SWAP70: variants seen among roughly 807,000 people sequenced by gnomAD.
SWAP70 encodes switch-associated protein 70.
A neutral mutation model predicts 80.2 loss-of-function variants in SWAP70; 34 were observed. The ratio of observed to expected loss-of-function variants is 0.42; its 90% CI spans 0.32 to 0.56. The LOEUF (loss-of-function observed/expected upper bound fraction) is 0.56, where lower values mean the gene tolerates loss of function less well. Among genes scored for constraint, SWAP70 ranks in the 20% least tolerant of loss-of-function variants. The probability of loss-of-function intolerance (pLI) is 0.09; values close to 1 mark genes in which losing one functional copy is unlikely to be tolerated. For missense variants in SWAP70, 578 were observed against 690.7 expected, an observed-to-expected ratio of 0.84 and a Z score of 1.83; for synonymous variants, 239 against 238.5, an observed-to-expected ratio of 1.00 and a Z score of -0.02.
At chr11:9,671,945 T>G (rs1425011803) in intron 1 of SWAP70, among the ~76,000 whole-genome samples, 1 of 111,558 alleles carries the variant, frequency 9.0e-6, no homozygotes, top group Non-Finnish European at 1.6e-5. Flanking sequence ...ATAATATATT[T>G]TATAATATAT....
chr11:9,713,390 GTCTT>G lies in SWAP70; in HGVS notation c.241-72_241-69del, dbSNP rs1315798724. 10 of 1,422,432 alleles carry G rather than the reference GTCTT, an allele frequency of 7.0e-6. No individual in the cohort carries two copies. In the East Asian group the frequency reaches 2.3e-4, roughly 33 times the overall value. The allele number at this position is 1,422,432 out of a possible 1,614,324, so 88.1% of individuals were successfully genotyped here. A position where few individuals can be genotyped will look rare whatever the true frequency, so the allele number is the denominator to read the frequency against. On this transcript the variant is annotated intron_variant, in intron 2 of 11. Transcript: ENST00000318950. Reference sequence around the variant, plus strand: ...TAAAATGGGAGCCAAAGGAGGCTTTGTCTTTCTATTTTACTTGCCTTAGATACTG... The same window carrying G: ...TAAAATGGGAGCCAAAGGAGGCTTTGTCTATTTTACTTGCCTTAGATACTG...
chr11:9,696,243 C>T (rs1182127357), intron 2 of SWAP70, among the ~76,000 whole-genome samples: 1 of 152,006 alleles, frequency 6.6e-6, no homozygotes, highest in Non-Finnish European at 1.5e-5. Context: ...CGGTTTTTCC[C>T]TTGGGTTGGA....
chr11:9,704,875 G>A (rs1335692552), intron 2 of SWAP70, among the ~76,000 whole-genome samples: 1 of 152,150 alleles, frequency 6.6e-6, no homozygotes, highest in Non-Finnish European at 1.5e-5. Flanking sequence ...ACAGATACAC[G>A]GTGAAAGACA....
chr11:9,691,466 A>T (rs955467794), intron 1 of SWAP70, among the ~76,000 whole-genome samples: 1 of 152,190 alleles, frequency 6.6e-6, no homozygotes, highest in Non-Finnish European at 1.5e-5. Flanking sequence ...TGGTTAAGAA[A>T]ATTATCACTG....
chr11:9,749,310 G>A (rs1241179657), intron 11 of SWAP70, 127 bp downstream of exon 11: 5 of 349,644 alleles, frequency 1.4e-5, no homozygotes, highest in Non-Finnish European at 1.3e-5. Flanking sequence ...GCAGTGGTGC[G>A]ATCTTGGCTC....
intron 1 of SWAP70, among the ~76,000 whole-genome samples, chr11:9,669,829 C>G (rs944557796): frequency 6.6e-6 from 1 of 152,096 alleles, no homozygotes; most frequent in Admixed American, 6.6e-5. Context: ...ATCAGAATTG[C>G]ACTTTAGAAA....
chr11:9,709,595 CA>C (rs200304876), intron 2 of SWAP70, among the ~76,000 whole-genome samples: 1 of 151,552 alleles, frequency 6.6e-6, no homozygotes, highest in African/African-American at 2.4e-5. Flanking sequence ...TGCGATCTCC[CA>C]CCAACTTCAG....
chr11:9,665,816 G>T (rs953606095), intron 1 of SWAP70, among the ~76,000 whole-genome samples: 4 of 151,962 alleles, frequency 2.6e-5, no homozygotes, highest in African/African-American at 9.7e-5. Context: ...GTTATGAGTA[G>T]GTCTACATTT....
Position 9,713,545 on chromosome 11 carries a change from C to A in SWAP70, c.320C>A (p.Pro107His), listed in dbSNP as rs1203122209. Reference sequence around the variant, plus strand: ...GTCAAAAAAAACCTCACAAAGAATCCCCTGCTCATTACAGAAGAAGATGCA... The same window carrying A: ...GTCAAAAAAAACCTCACAAAGAATCACCTGCTCATTACAGAAGAAGATGCA... ...LCVKKNLTKN[P>H]LLITEEDAFK... Residue 107 changes from proline (P) to histidine (H), a missense_variant, in exon 3 of 12, where the codon CCC becomes CAC. Physicochemically the swap from Pro to His is moderately conservative, Grantham distance 77. Coordinates refer to ENST00000318950, the MANE Select transcript of SWAP70 (RefSeq NM_015055.4). The A allele has an allele frequency of 6.2e-7, 1 of 1,613,718 alleles. No individual in the cohort carries two copies. Among genetic ancestry groups the A allele is most frequent in the Non-Finnish European group, 8.5e-7 (1 of 1,179,918 alleles).
intron 6 of SWAP70, among the ~76,000 whole-genome samples, chr11:9,731,031 A>G (rs893525501): frequency 1.3e-5 from 2 of 152,076 alleles, no homozygotes; most frequent in Non-Finnish European, 2.9e-5. Context: ...AACATTCATT[A>G]TTTGGTTTTC....
chr11:9,704,199 C>CAT (rs1264396875), intron 2 of SWAP70, among the ~76,000 whole-genome samples: 2 of 151,730 alleles, frequency 1.3e-5, no homozygotes, highest in African/African-American at 4.8e-5. Context: ...AGAGAGAGAC[C>CAT]ATATATATAT....
intron 1 of SWAP70, among the ~76,000 whole-genome samples, chr11:9,675,850 G>T (rs11603527): frequency 6.6e-6 from 1 of 151,962 alleles, no homozygotes; most frequent in Non-Finnish European, 1.5e-5. Context: ...TTGAGAGTAC[G>T]TAGGCCTTTA....
chr11:9,722,671 G>C (rs1851154941), intron 3 of SWAP70, among the ~76,000 whole-genome samples: 1 of 152,104 alleles, frequency 6.6e-6, no homozygotes, highest in Admixed American at 6.6e-5. Context: ...TCGAGAGGTG[G>C]GAAAAGGTAT....
chr11:9,701,941 A>G (rs1034064235), intron 2 of SWAP70, among the ~76,000 whole-genome samples: 2 of 152,330 alleles, frequency 1.3e-5, no homozygotes, highest in East Asian at 3.9e-4. Context: ...GGTTTGGGCT[A>G]TATGATTAAA....
rs1851026560 is a variant in SWAP70 at position 9,713,534 on chromosome 11, C to T, written c.309C>T (p.Leu103=). The T allele has an allele frequency of 2.5e-6, 4 of 1,614,020 alleles. No individual in the cohort carries two copies. The highest frequency in any genetic ancestry group is 3.4e-6 in the Non-Finnish European group (4 of 1,179,954). The change falls in exon 3 of 12, where the codon CTC becomes CTT. Residue 103 remains leucine (L), a synonymous_variant. Coordinates refer to ENST00000318950, the MANE Select transcript of SWAP70 (RefSeq NM_015055.4). ...MCWTLCVKKN[L]TKNPLLITEE... ...GGACCCTCTGTGTCAAAAAAAACCT[C>T]ACAAAGAATCCCCTGCTCATTACAG...
chr11:9,713,444 G>A (rs1195495171), intron 2 of SWAP70, 22 bp from the exon 3 acceptor site: 1 of 1,600,884 alleles, frequency 6.2e-7, no homozygotes, highest in Non-Finnish European at 8.5e-7. Flanking sequence ...ATTTGTTGGA[G>A]TTTTTCCTTA....
chr11:9,692,263 A>G (rs1850706414), intron 1 of SWAP70, among the ~76,000 whole-genome samples: 2 of 150,228 alleles, frequency 1.3e-5, no homozygotes, highest in South Asian at 2.1e-4. Context: ...TATGTACTAC[A>G]TTTTTGAGTA....
intron 8 of SWAP70, among the ~76,000 whole-genome samples, chr11:9,739,891 A>C (rs887521162): frequency 6.6e-6 from 1 of 152,250 alleles, no homozygotes; most frequent in African/African-American, 2.4e-5. Flanking sequence ...TTACACAAGG[A>C]AACATTTTTT....
chr11:9,730,324 A>G (rs371810136), intron 6 of SWAP70, among the ~76,000 whole-genome samples: 2,078 of 112,452 alleles, frequency 0.018, 56 homozygotes, highest in African/African-American at 0.062. Context: ...CCCCGTCTCT[A>G]CTTAAAAAAA....
Sources: allele counts gnomAD v4.1 joint callset (sites outside exome capture counted in the v4.1 genomes callset), GRCh38; gene constraint gnomAD v4.1.1; transcripts MANE v1.5; gene names NCBI Gene and HGNC (gene_info 2026-07-23, HGNC 2026-07-21).